The following NLGN1 variants were observed in gnomAD, a reference collection of about 807,000 sequenced individuals.
NLGN1 encodes the protein neuroligin 1, also known as neuroligin-1.
A neutral mutation model predicts 65.5 loss-of-function variants in NLGN1; 12 were observed. That is an observed-to-expected ratio of 0.18 (90% CI 0.12 to 0.30). The LOEUF (loss-of-function observed/expected upper bound fraction) is 0.30. Ranked by LOEUF, NLGN1 falls within the 10% of genes least tolerant of loss-of-function variation. The pLI, the probability that NLGN1 is intolerant of heterozygous loss-of-function variation, is 1.00. For missense variants in NLGN1, 750 were observed against 1,007.1 expected, an observed-to-expected ratio of 0.74 and a Z score of 3.46; for synonymous variants, 350 against 359.5, an observed-to-expected ratio of 0.97 and a Z score of 0.30.
intron 4 of NLGN1, among the ~76,000 whole-genome samples, chr3:174,156,686 A>G (rs1725503170): frequency 6.6e-6 from 1 of 151,794 alleles, no homozygotes; most frequent in Non-Finnish European, 1.5e-5. Context: ...GAGGTAAAGT[A>G]CAGTTTGTAG....
At chr3:173,535,608 C>A (rs1240004915) in intron 2 of NLGN1, among the ~76,000 whole-genome samples, 1 of 152,048 alleles carries the variant, frequency 6.6e-6, no homozygotes, top group Non-Finnish European at 1.5e-5. Flanking sequence ...TTATCAGACA[C>A]CACATCTAGA....
intron 4 of NLGN1, among the ~76,000 whole-genome samples, chr3:173,999,991 G>A (rs1722972516): frequency 1.3e-5 from 2 of 151,474 alleles, no homozygotes; most frequent in Admixed American, 1.3e-4. Context: ...GGTATAACTA[G>A]ATCTTGCAAA....
At chr3:173,464,975 A>G (rs1724081112) in intron 2 of NLGN1, among the ~76,000 whole-genome samples, 1 of 152,164 alleles carries the variant, frequency 6.6e-6, no homozygotes, top group East Asian at 1.9e-4. Context: ...GAATGAACAC[A>G]ATTCATTCAA....
At chr3:174,135,522 C>G (rs564918187) in intron 4 of NLGN1, among the ~76,000 whole-genome samples, 1 of 152,058 alleles carries the variant, frequency 6.6e-6, no homozygotes, top group African/African-American at 2.4e-5. Flanking sequence ...TTTGAAATAA[C>G]AAGCTTTTTT....
intron 4 of NLGN1, among the ~76,000 whole-genome samples, chr3:174,244,995 G>A (rs1275778555): frequency 6.6e-6 from 1 of 152,106 alleles, no homozygotes; most frequent in African/African-American, 2.4e-5. Context: ...ATTATTGTCT[G>A]ACATCTTGTA....
intron 4 of NLGN1, among the ~76,000 whole-genome samples, chr3:173,883,671 T>C (rs1000827702): frequency 3.9e-5 from 6 of 152,158 alleles, no homozygotes; most frequent in South Asian, 4.1e-4. Context: ...GAAACATATA[T>C]ACATTATGTC....
At chr3:173,412,158 G>C (rs535536322) in intron 1 of NLGN1, among the ~76,000 whole-genome samples, 2 of 152,248 alleles carry the variant, frequency 1.3e-5, no homozygotes, top group South Asian at 4.1e-4. Context: ...TTGTCCCTCT[G>C]CAGAATACTA....
At chr3:174,024,898 A>G (rs1049011578) in intron 4 of NLGN1, among the ~76,000 whole-genome samples, 5 of 152,234 alleles carry the variant, frequency 3.3e-5, no homozygotes, top group Admixed American at 6.6e-5. Context: ...GAAAGTAAAC[A>G]CATTCAGTTT....
intron 4 of NLGN1, among the ~76,000 whole-genome samples, chr3:173,990,097 GT>G (rs1351184434): frequency 6.6e-6 from 1 of 152,178 alleles, no homozygotes; most frequent in Non-Finnish European, 1.5e-5. Context: ...GGGAATGGCT[GT>G]TAAATAGACA....
At chr3:173,688,453 G>A (rs1402952107) in intron 3 of NLGN1, among the ~76,000 whole-genome samples, 3 of 152,156 alleles carry the variant, frequency 2.0e-5, no homozygotes, top group Admixed American at 2.0e-4. Flanking sequence ...TCCTCTGAGT[G>A]CTGTGTGCTT....
At chr3:173,774,932 G>T (rs533493985) in intron 3 of NLGN1, among the ~76,000 whole-genome samples, 1 of 151,904 alleles carries the variant, frequency 6.6e-6, no homozygotes, top group Non-Finnish European at 1.5e-5. Context: ...TTTACCTATA[G>T]TTTTAATGCA....
chr3:173,810,050 CAT>C (rs1292404590), intron 4 of NLGN1, among the ~76,000 whole-genome samples: 2 of 152,182 alleles, frequency 1.3e-5, no homozygotes, highest in South Asian at 2.1e-4. Context: ...CGTGACAAAA[CAT>C]AAACTCTGTG....
intron 2 of NLGN1, among the ~76,000 whole-genome samples, chr3:173,569,060 G>A (rs543394219): frequency 5.0e-4 from 76 of 152,252 alleles, no homozygotes; most frequent in African/African-American, 1.8e-3. Context: ...CAAGGGAAAT[G>A]CATGGTTCTT....
At chr3:173,444,954 G>A (rs1241600186) in intron 2 of NLGN1, among the ~76,000 whole-genome samples, 3 of 130,554 alleles carry the variant, frequency 2.3e-5, no homozygotes, top group African/African-American at 7.5e-5. Flanking sequence ...CAATATGCAA[G>A]GACTTGTATT....
intron 2 of NLGN1, among the ~76,000 whole-genome samples, chr3:173,584,089 A>C (rs1439248166): frequency 6.6e-6 from 1 of 151,904 alleles, no homozygotes; most frequent in East Asian, 1.9e-4. Context: ...AAAAAAATAG[A>C]ATCCAGAGGA....
chr3:173,469,639 T>TA (rs543661410), intron 2 of NLGN1, among the ~76,000 whole-genome samples: 15,289 of 141,818 alleles, frequency 0.11, 841 homozygotes, highest in Admixed American at 0.15. Flanking sequence ...TTTTAAAAAC[T>TA]AAAAAAAAAA....
At chr3:173,513,664 G>T (rs1733344821) in intron 2 of NLGN1, among the ~76,000 whole-genome samples, 1 of 152,184 alleles carries the variant, frequency 6.6e-6, no homozygotes, top group Admixed American at 6.5e-5. Flanking sequence ...AATGAAATAT[G>T]TTCTCATTTT....
intron 1 of NLGN1, among the ~76,000 whole-genome samples, chr3:173,424,783 A>G (rs922727055): frequency 6.6e-6 from 1 of 152,172 alleles, no homozygotes; most frequent in African/African-American, 2.4e-5. Flanking sequence ...AGTCTCTAGG[A>G]AGTTCCAGAC....
chr3:173,526,588 C>T lies in NLGN1; in HGVS notation c.-320-77691C>T, dbSNP rs189808957. 2.3e-3 allele frequency among the ~76,000 whole-genome samples: 355 copies of T among 152,120 alleles called. 1 individual carries two copies. The highest frequency in any genetic ancestry group is 0.01 in the Middle Eastern group (3 of 294). ...GGTATCTATTGCTTCAAGCATTTAT[C>T]CTTTGTGTTACAAACAATCCAATTA... On this transcript the variant is annotated intron_variant, in intron 2 of 6. Coordinates refer to ENST00000457714, the Ensembl canonical transcript of NLGN1.
Sources: allele counts gnomAD v4.1 joint callset (sites outside exome capture counted in the v4.1 genomes callset), GRCh38; gene constraint gnomAD v4.1.1; transcripts MANE v1.5; gene names NCBI Gene and HGNC (gene_info 2026-07-23, HGNC 2026-07-21).